Variants in RGR observed in about 807,000 individuals in gnomAD.
RGR encodes the protein retinal G protein coupled receptor, also known as RPE-retinal G protein-coupled receptor.
RGR carries 30 observed loss-of-function variants against 28.6 expected under a neutral mutation model. The observed-to-expected ratio is 1.05, with a 90% CI of 0.78 to 1.42. The LOEUF is 1.42. Ranked by LOEUF, RGR falls within the 40% of genes most tolerant of loss-of-function variation. The probability of loss-of-function intolerance (pLI) is 0.00; values close to 1 mark genes in which losing one functional copy is unlikely to be tolerated. For missense variants in RGR, 404 were observed against 375.6 expected (o/e 1.08, Z -0.62); for synonymous variants, 180 against 156.4 (o/e 1.15, Z -1.13).
rs555951151 is a variant in RGR, at chr10:84,258,847, A to C, written c.*208A>C. On this transcript the variant is annotated 3_prime_UTR_variant, in exon 7 of 7. Transcript: ENST00000652092. The stretch of plus-strand genomic sequence containing the variant: ...GTGTCGGTCACAGCCCCCTACACTC[A>C]AGGCTGAGAGGCCTCAGGAAAGTCA... 6.1e-6 allele frequency: 4 copies of C among 652,036 alleles called. No homozygotes were observed. The Admixed American group carries it at 1.0e-4, about 17-fold the overall frequency. 40.4% of individuals were successfully genotyped at this position (652,036 alleles called of 1,614,324 possible).
intron 2 of RGR, 76 bp downstream of exon 2, chr10:84,247,823 C>A: frequency 1.9e-6 from 3 of 1,606,852 alleles, no homozygotes; most frequent in Non-Finnish European, 2.6e-6. Context: ...GGCAGCCAGG[C>A]CAAGGGCATT....
intron 3 of RGR, chr10:84,250,720 G>C (rs1842806108): frequency 5.4e-6 from 2 of 372,594 alleles, no homozygotes; most frequent in Non-Finnish European, 9.9e-6. Flanking sequence ...TCCATCCCTG[G>C]GTGGTTGTAG....
At chr10:84,247,835 T>C in intron 2 of RGR, 88 bp downstream of exon 2, 1 of 1,593,042 alleles carries the variant, frequency 6.3e-7, no homozygotes, top group Non-Finnish European at 8.6e-7. Context: ...AAGGGCATTT[T>C]TACTACTTAC....
intron 3 of RGR, among the ~76,000 whole-genome samples, chr10:84,251,944 G>T (rs574817855): frequency 1.3e-5 from 2 of 152,320 alleles, no homozygotes; most frequent in Admixed American, 1.3e-4. Context: ...TTGTAGACAT[G>T]CTCTTCTCTC....
In RGR at chr10:84,258,344, CT is replaced by C. The variant is rs1018053478; in HGVS notation, c.745-163del. Reference sequence around the variant, plus strand: ...CTGGACAAGAGTATGGCTCCATGGACTCCGTGAGCCATGCATCTCCACCAAC... The same window carrying C: ...CTGGACAAGAGTATGGCTCCATGGACCCGTGAGCCATGCATCTCCACCAAC... On this transcript the variant is annotated intron_variant, in intron 6 of 6. Coordinates refer to ENST00000652092, the MANE Select transcript of RGR (RefSeq NM_001012720.2). Among the ~76,000 whole-genome samples the C allele has an allele frequency of 3.6e-4, 55 of 152,238 alleles. 1 individual carries two copies. Among genetic ancestry groups the C allele is most frequent in the African/African-American group, 1.1e-3 (47 of 41,542 alleles).
At chr10:84,256,994 C>T (rs1156676766) in intron 5 of RGR, among the ~76,000 whole-genome samples, 1 of 151,050 alleles carries the variant, frequency 6.6e-6, no homozygotes, top group East Asian at 1.9e-4. Context: ...GTTTTTTTTT[C>T]CCCAAATAAG....
Position 84,259,359 on chromosome 10 carries a change from G to T in RGR, c.*720G>T, listed in dbSNP as rs1183807016. On this transcript the variant is annotated 3_prime_UTR_variant, in exon 7 of 7. Coordinates refer to ENST00000652092, the MANE Select transcript of RGR (RefSeq NM_001012720.2). ...AGCTGTGATAAGCATACAAGTGCAG[G>T]TTTCTTTTTGATATACTGATTTCTT... 1 of 152,280 alleles carries T rather than the reference G, an allele frequency of 6.6e-6. No homozygotes were observed. Among genetic ancestry groups the T allele is most frequent in the Non-Finnish European group, 1.5e-5 (1 of 68,198 alleles). 9.4% of individuals were successfully genotyped at this position (152,280 alleles called of 1,614,324 possible).
Position 84,254,537 on chromosome 10 carries a change from C to G in RGR, c.630+94C>G, listed in dbSNP as rs879766586. 10 of 1,027,856 alleles carry G rather than the reference C, an allele frequency of 9.7e-6. No homozygotes were observed. The African/African-American group carries it at 1.1e-4, about 11-fold the overall frequency. 63.7% of individuals were successfully genotyped at this position (1,027,856 alleles called of 1,614,324 possible). On this transcript the variant is annotated intron_variant, in intron 5 of 6. Coordinates refer to ENST00000652092, the MANE Select transcript of RGR (RefSeq NM_001012720.2). ...AAGAATTGGATGTGACACACACAAA[C>G]AGCAAAACAAATATTCATTGCTTTT...
In RGR at chr10:84,258,746, C is replaced by T. The variant is rs970986397; in HGVS notation, c.*107C>T. 17 of 1,515,706 alleles carry T rather than the reference C, an allele frequency of 1.1e-5. No homozygotes were observed. Among genetic ancestry groups the T allele is most frequent in the African/African-American group, 8.2e-5 (6 of 72,952 alleles). 93.9% of individuals were successfully genotyped at this position (1,515,706 alleles called of 1,614,324 possible). On this transcript the variant is annotated 3_prime_UTR_variant, in exon 7 of 7. Transcript: ENST00000652092. ...ACTCACCCACCTTCCCCAGTGGCCC[C>T]GTGGATCCTGGTCCTAGGCTGGACA...
intron 4 of RGR, 139 bp from the exon 5 acceptor site, chr10:84,254,187 C>T: frequency 1.0e-5 from 8 of 779,718 alleles, no homozygotes; most frequent in Non-Finnish European, 1.8e-5. Flanking sequence ...ACCTGGGACC[C>T]GGGAGCAACC....
intron 5 of RGR, 61 bp downstream of exon 5, chr10:84,254,504 C>A: frequency 1.5e-6 from 2 of 1,375,950 alleles, no homozygotes; most frequent in Non-Finnish European, 2.1e-6. Flanking sequence ...CTCTTGGTGT[C>A]CCGAACAAAG....
At chr10:84,248,290 T>A (rs1312632384) in intron 2 of RGR, 1 of 752,716 alleles carries the variant, frequency 1.3e-6, no homozygotes, top group African/African-American at 1.9e-5. Flanking sequence ...CATAACTAGC[T>A]AGTGTCTAAT....
intron 1 of RGR, 75 bp downstream of exon 1, chr10:84,245,244 G>A: frequency 1.3e-6 from 2 of 1,485,870 alleles, no homozygotes; most frequent in Non-Finnish European, 9.3e-7. Flanking sequence ...TGTGGAGCTG[G>A]CAAGGAGAGG....
intron 5 of RGR, among the ~76,000 whole-genome samples, chr10:84,256,142 C>T (rs1842884519): frequency 7.7e-6 from 1 of 129,190 alleles, no homozygotes; most frequent in Non-Finnish European, 1.6e-5. Flanking sequence ...AATCTCGGCT[C>T]ACTGCAACCT....
chr10:84,250,262 C>A, intron 3 of RGR: 1 of 694,824 alleles, frequency 1.4e-6, no homozygotes. Flanking sequence ...AGCACAGCCT[C>A]AAACCATGGC....
intron 1 of RGR, among the ~76,000 whole-genome samples, chr10:84,245,830 G>C (rs918704792): frequency 6.6e-6 from 1 of 152,184 alleles, no homozygotes; most frequent in African/African-American, 2.4e-5. Flanking sequence ...CCTCAACCTA[G>C]AATCCCTAAG....
intron 2 of RGR, 107 bp downstream of exon 2, chr10:84,247,854 G>T: frequency 1.3e-6 from 2 of 1,534,730 alleles, no homozygotes; most frequent in Non-Finnish European, 8.9e-7. Flanking sequence ...ACAGAAAATT[G>T]GCCAAGGGCA....
At chr10:84,247,940 G>T (rs1842768382) in intron 2 of RGR, 193 bp downstream of exon 2, 3 of 847,530 alleles carry the variant, frequency 3.5e-6, no homozygotes, top group Non-Finnish European at 5.6e-6. Flanking sequence ...GAAGACAGGG[G>T]TTGCTGAAAC....
chr10:84,250,483 G>T (rs1842802193), intron 3 of RGR: 1 of 710,040 alleles, frequency 1.4e-6, no homozygotes, highest in Non-Finnish European at 2.6e-6. Context: ...TTACATCCCA[G>T]CCCCTGCCCC....
Sources: gnomAD v4.1 joint callset for allele counts (sites outside exome capture counted in the v4.1 genomes callset) on GRCh38, gnomAD v4.1.1 for gene constraint, MANE v1.5 for transcripts, NCBI Gene and HGNC (gene_info 2026-07-23, HGNC 2026-07-21) for gene names.